Variants in TCF7L2 observed in about 807,000 individuals in gnomAD.
The protein encoded by TCF7L2 is transcription factor 7 like 2, also known as transcription factor 7-like 2.
TCF7L2 carries 23 observed loss-of-function variants against 77.9 expected under a neutral mutation model. The observed-to-expected ratio is 0.30, with a 90% confidence interval of 0.21 to 0.42. The LOEUF is 0.42. Among genes scored for constraint, TCF7L2 ranks in the 10% least tolerant of loss-of-function variants. The probability of loss-of-function intolerance (pLI) is 1.00; values close to 1 mark genes in which losing one functional copy is unlikely to be tolerated. For missense variants in TCF7L2, 654 were observed against 793.1 expected, an observed-to-expected ratio of 0.82 and a Z score of 2.11; for synonymous variants, 413 against 340.2, an observed-to-expected ratio of 1.21 and a Z score of -2.36.
At chr10:112,992,413 C>G (rs1436337484) in intron 4 of TCF7L2, among the ~76,000 whole-genome samples, 1 of 152,186 alleles carries the variant, frequency 6.6e-6, no homozygotes, top group Non-Finnish European at 1.5e-5. Context: ...TTTGTTGGAG[C>G]TGGAGGTGAG....
rs949948787 is a variant in TCF7L2 at position 113,166,155 on chromosome 10, C to T, written c.*183C>T. On this transcript the variant is annotated 3_prime_UTR_variant, in exon 14 of 14. Transcript: ENST00000627217. ...TTGACCCATTCTTATTTCAATTTCTCCTTTTAAATATGTAGATGAGAGAAG... is the reference window on the plus strand; with the variant it reads ...TTGACCCATTCTTATTTCAATTTCTTCTTTTAAATATGTAGATGAGAGAAG... The T allele has an allele frequency of 2.1e-5, 11 of 513,442 alleles. No individual in the cohort carries two copies. Among genetic ancestry groups the T allele is most frequent in the Admixed American group, 1.2e-4 (3 of 24,134 alleles). The allele number at this position is 513,442 out of a possible 1,614,324, so 31.8% of individuals were successfully genotyped here. A position where few individuals can be genotyped will look rare whatever the true frequency, so the allele number is the denominator to read the frequency against.
chr10:113,088,941 G>GAA (rs1184478864), intron 5 of TCF7L2, among the ~76,000 whole-genome samples: 14 of 128,532 alleles, frequency 1.1e-4, no homozygotes, highest in African/African-American at 3.1e-4. Flanking sequence ...CCATCTCTTA[G>GAA]AAAAAAAAAA....
At chr10:112,998,449 A>G (rs544268333) in intron 4 of TCF7L2, among the ~76,000 whole-genome samples, 2 of 152,328 alleles carry the variant, frequency 1.3e-5, no homozygotes, top group South Asian at 2.1e-4. Context: ...TCAGATGGTA[A>G]TGCAGATGTG....
At chr10:113,009,294 G>A (rs1341502356) in intron 4 of TCF7L2, among the ~76,000 whole-genome samples, 1 of 152,156 alleles carries the variant, frequency 6.6e-6, no homozygotes, top group Non-Finnish European at 1.5e-5. Flanking sequence ...GCTGGATGGG[G>A]AAGTTGGCCT....
intron 11 of TCF7L2, among the ~76,000 whole-genome samples, chr10:113,155,390 C>A (rs1307847162): frequency 6.6e-6 from 1 of 152,244 alleles, no homozygotes; most frequent in South Asian, 2.1e-4. Flanking sequence ...TCTTCTGTTA[C>A]ATTTAAAGGG....
chr10:113,135,321 A>G (rs1282654512), intron 5 of TCF7L2, among the ~76,000 whole-genome samples: 1 of 152,150 alleles, frequency 6.6e-6, no homozygotes, highest in Non-Finnish European at 1.5e-5. Flanking sequence ...TAGTCGATGA[A>G]TACGATGAAT....
rs552698238 is a variant in TCF7L2 at position 113,015,840 on chromosome 10, T to C, written c.451-24185T>C. ...CATGGAAGAAAGTGAAGGATGAGAA[T>C]CAGTAACGTAACGTGTGCTTCAGAT... is the stretch of plus-strand genomic sequence containing the variant. On this transcript the variant is annotated intron_variant, in intron 4 of 13. Coordinates refer to ENST00000627217, the MANE Select transcript of TCF7L2 (RefSeq NM_001146274.2). Among the ~76,000 whole-genome samples the C allele has an allele frequency of 3.3e-5, 5 of 152,258 alleles. No homozygotes were observed. The South Asian group carries it at 1.0e-3, about 32-fold the overall frequency.
At chr10:113,158,201 C>A in intron 12 of TCF7L2, 132 bp downstream of exon 12, 1 of 899,732 alleles carries the variant, frequency 1.1e-6, no homozygotes, top group Non-Finnish European at 1.7e-6. Context: ...CTTAGCTAGC[C>A]TTTTTGTTTA....
intron 4 of TCF7L2, among the ~76,000 whole-genome samples, chr10:112,967,657 G>T (rs150094922): frequency 0.011 from 1,552 of 145,086 alleles, 36 homozygotes; most frequent in African/African-American, 0.038. Flanking sequence ...TTTTTGAGAC[G>T]GAGTTTCGCT....
chr10:113,146,206 T>A, intron 8 of TCF7L2, 109 bp downstream of exon 8: 1 of 1,026,956 alleles, frequency 9.7e-7, no homozygotes, highest in Non-Finnish European at 1.5e-6. Flanking sequence ...GTAGTTCTAT[T>A]AGTGTAAAGC....
chr10:113,024,157 GC>G (rs957300547), intron 4 of TCF7L2, among the ~76,000 whole-genome samples: 3 of 151,952 alleles, frequency 2.0e-5, no homozygotes, highest in African/African-American at 7.2e-5. Context: ...AATTAGCTAG[GC>G]ATGGTGGGAT....
intron 8 of TCF7L2, among the ~76,000 whole-genome samples, chr10:113,148,725 A>G (rs756128735): frequency 4.6e-5 from 7 of 152,216 alleles, no homozygotes; most frequent in Non-Finnish European, 1.0e-4. Flanking sequence ...ATTTCATGAA[A>G]TAGTAGTCTG....
At chr10:113,119,934 A>ACAT (rs1037205247) in intron 5 of TCF7L2, among the ~76,000 whole-genome samples, 4 of 152,198 alleles carry the variant, frequency 2.6e-5, no homozygotes, top group Non-Finnish European at 5.9e-5. Context: ...TCAGTGAGAG[A>ACAT]CATTATTCTT....
chr10:113,150,688 G>A (rs919174397), intron 8 of TCF7L2, among the ~76,000 whole-genome samples: 13 of 152,158 alleles, frequency 8.5e-5, no homozygotes, highest in Admixed American at 1.3e-4. Flanking sequence ...ACAAGTGGAC[G>A]TGCGATTTCT....
chr10:113,096,931 G>C (rs2061042166), intron 5 of TCF7L2, among the ~76,000 whole-genome samples: 1 of 152,158 alleles, frequency 6.6e-6, no homozygotes, highest in Admixed American at 6.5e-5. Context: ...CTGACTGCAG[G>C]ACATGGGACC....
chr10:113,131,557 G>T (rs2066606219), intron 5 of TCF7L2, among the ~76,000 whole-genome samples: 1 of 152,202 alleles, frequency 6.6e-6, no homozygotes, highest in Admixed American at 6.5e-5. Context: ...GGTCCTGTTG[G>T]CTTTGATGAG....
chr10:113,023,307 C>T (rs1447943245), intron 4 of TCF7L2, among the ~76,000 whole-genome samples: 1 of 152,186 alleles, frequency 6.6e-6, no homozygotes, highest in Admixed American at 6.5e-5. Context: ...CTGAGTTTCA[C>T]TTGCCAGTTT....
intron 5 of TCF7L2, among the ~76,000 whole-genome samples, chr10:113,118,670 T>G (rs1182583559): frequency 6.5e-5 from 2 of 30,644 alleles, no homozygotes; most frequent in East Asian, 4.5e-4. Flanking sequence ...TTTTGTTTTT[T>G]TTTTTTTGTT....
intron 4 of TCF7L2, among the ~76,000 whole-genome samples, chr10:113,022,942 G>GCA (rs2048486908): frequency 6.6e-6 from 1 of 152,170 alleles, no homozygotes. Context: ...TAAGTGTTTT[G>GCA]TTGAATGAAC....
Sources: allele counts gnomAD v4.1 joint callset (sites outside exome capture counted in the v4.1 genomes callset), GRCh38; gene constraint gnomAD v4.1.1; transcripts MANE v1.5; gene names NCBI Gene and HGNC (gene_info 2026-07-23, HGNC 2026-07-21).